Variants in RGS7 observed in about 807,000 individuals in gnomAD.
RGS7 encodes the protein regulator of G-protein signaling 7.
In RGS7, 27 loss-of-function variants were observed where a neutral mutation model predicts 81.1. The observed-to-expected ratio is 0.33, with a 90% CI of 0.25 to 0.46. The LOEUF (loss-of-function observed/expected upper bound fraction) is 0.46, where lower values mean the gene tolerates loss of function less well. RGS7 is among the 20% of genes least tolerant of loss of function. The pLI is 1.00. For missense variants in RGS7, 396 were observed against 607.4 expected (o/e 0.65, Z 3.66); for synonymous variants, 208 against 207.7 (o/e 1.00, Z -0.01).
intron 4 of RGS7, among the ~76,000 whole-genome samples, chr1:240,975,107 A>C (rs1683864155): frequency 6.6e-6 from 1 of 152,180 alleles, no homozygotes; most frequent in Admixed American, 6.5e-5. Context: ...TGCCACTCAA[A>C]GAACACAGAA....
At chr1:240,809,210 AT>A (rs1689415509) in intron 14 of RGS7, among the ~76,000 whole-genome samples, 1 of 152,212 alleles carries the variant, frequency 6.6e-6, no homozygotes, top group Admixed American at 6.5e-5. Context: ...GAAATACATC[AT>A]AAAATTTCAA....
chr1:241,211,775 G>C (rs952575318), intron 2 of RGS7, among the ~76,000 whole-genome samples: 2 of 152,142 alleles, frequency 1.3e-5, no homozygotes, highest in Non-Finnish European at 2.9e-5. Flanking sequence ...AAAGGAAACT[G>C]GACAAAGAGT....
intron 3 of RGS7, among the ~76,000 whole-genome samples, chr1:241,033,510 T>C (rs1382095349): frequency 6.6e-6 from 1 of 152,230 alleles, no homozygotes; most frequent in African/African-American, 2.4e-5. Context: ...TGAGTTTTTA[T>C]ATTTTATATA....
chr1:240,998,631 G>A (rs1250272047), intron 3 of RGS7: 1 of 948,914 alleles, frequency 1.1e-6, no homozygotes, highest in African/African-American at 1.6e-5. Flanking sequence ...GGCTCCCCAT[G>A]TTGACTTTGG....
At chr1:240,993,337 A>G (rs1167133389) in intron 3 of RGS7, among the ~76,000 whole-genome samples, 1 of 152,204 alleles carries the variant, frequency 6.6e-6, no homozygotes, top group African/African-American at 2.4e-5. Context: ...GCCATTTTAC[A>G]TTCCTACCAG....
chr1:241,280,576 C>A (rs2078445158), intron 2 of RGS7, among the ~76,000 whole-genome samples: 1 of 152,246 alleles, frequency 6.6e-6, no homozygotes, highest in South Asian at 2.1e-4. Flanking sequence ...CAGCTCACTG[C>A]AGCCTGGACC....
chr1:240,932,462 T>G (rs185926316), intron 5 of RGS7, among the ~76,000 whole-genome samples: 1 of 150,982 alleles, frequency 6.6e-6, no homozygotes, highest in Non-Finnish European at 1.5e-5. Context: ...GATTCTAGGA[T>G]AGCCCTAGGG....
intron 2 of RGS7, among the ~76,000 whole-genome samples, chr1:241,279,057 G>A (rs929119183): frequency 2.0e-5 from 3 of 151,936 alleles, no homozygotes; most frequent in South Asian, 2.1e-4. Context: ...TGGTTCCTTC[G>A]CCATTGAAGA....
chr1:241,297,581 T>C (rs986450432), intron 2 of RGS7, among the ~76,000 whole-genome samples: 5 of 152,274 alleles, frequency 3.3e-5, no homozygotes, highest in Middle Eastern at 6.8e-3. Flanking sequence ...CACCAGCGGA[T>C]CGGCATCAGG....
At chr1:241,295,445 T>G (rs1266352475) in intron 2 of RGS7, among the ~76,000 whole-genome samples, 2 of 147,808 alleles carry the variant, frequency 1.4e-5, no homozygotes, top group African/African-American at 2.5e-5. Flanking sequence ...AGAGCAAGAC[T>G]CTGTCTCAAA....
At chr1:241,290,399 A>G (rs2079027676) in intron 2 of RGS7, among the ~76,000 whole-genome samples, 1 of 152,250 alleles carries the variant, frequency 6.6e-6, no homozygotes, top group African/African-American at 2.4e-5. Flanking sequence ...ACCAAAATAC[A>G]GCAATGACTT....
At chr1:241,027,182 G>A (rs1192757782) in intron 3 of RGS7, among the ~76,000 whole-genome samples, 2 of 151,670 alleles carry the variant, frequency 1.3e-5, no homozygotes, top group East Asian at 3.9e-4. Context: ...CAGCCTGGGT[G>A]GCAGAATGAG....
intron 3 of RGS7, among the ~76,000 whole-genome samples, chr1:240,984,160 G>C (rs1685320862): frequency 6.6e-6 from 1 of 152,176 alleles, no homozygotes; most frequent in Admixed American, 6.5e-5. Flanking sequence ...TTGAATTCTA[G>C]GCTAAAGAAT....
intron 2 of RGS7, among the ~76,000 whole-genome samples, chr1:241,155,131 A>G (rs1230259240): frequency 6.6e-6 from 1 of 152,090 alleles, no homozygotes; most frequent in African/African-American, 2.4e-5. Flanking sequence ...TTTATTTGTT[A>G]TTTTTTCAGT....
chr1:240,862,856 A>G lies in RGS7; in HGVS notation c.609+5731T>C, dbSNP rs116612430. Among the ~76,000 whole-genome samples, 500 of 152,228 alleles carry G rather than the reference A, an allele frequency of 3.3e-3. 4 individuals carry two copies. The highest frequency in any genetic ancestry group is 0.012 in the African/African-American group (483 of 41,558). ...TAGTTTTTCAATTAACCTTCTGAAA[A>G]ACCATAACAAAAATAAGACCCTACT... On this transcript the variant is annotated intron_variant, in intron 9 of 18. Transcript: ENST00000440928.
intron 9 of RGS7, among the ~76,000 whole-genome samples, chr1:240,832,550 G>A (rs986450204): frequency 1.3e-5 from 2 of 152,168 alleles, no homozygotes; most frequent in African/African-American, 2.4e-5. Context: ...TTTCATTATT[G>A]ATATTTTAAG....
At chr1:240,830,387 T>C (rs1249525568) in intron 9 of RGS7, among the ~76,000 whole-genome samples, 1 of 152,208 alleles carries the variant, frequency 6.6e-6, no homozygotes, top group Non-Finnish European at 1.5e-5. Context: ...TGTTGCAACA[T>C]GCAAACCTGT....
At chr1:241,092,701 C>A (rs2063964655) in intron 3 of RGS7, among the ~76,000 whole-genome samples, 1 of 152,160 alleles carries the variant, frequency 6.6e-6, no homozygotes, top group African/African-American at 2.4e-5. Flanking sequence ...TATATCCCCA[C>A]TTGTATGGGG....
In RGS7 at chr1:240,951,653, A is replaced by G. The variant is rs1419160768; in HGVS notation, c.227-14947T>C. ...ACAACAATAACAAAAGCATCCAAAA[A>G]CTGTGGGACAATATCTAAAAGTGTA... On this transcript the variant is annotated intron_variant, in intron 4 of 18. Transcript: ENST00000440928. Among the ~76,000 whole-genome samples the G allele has an allele frequency of 2.6e-5, 4 of 152,146 alleles. No individual in the cohort carries two copies. The East Asian group carries it at 7.7e-4, about 29-fold the overall frequency.
Sources: gnomAD v4.1 joint callset for allele counts (sites outside exome capture counted in the v4.1 genomes callset) on GRCh38, gnomAD v4.1.1 for gene constraint, MANE v1.5 for transcripts, NCBI Gene and HGNC (gene_info 2026-07-23, HGNC 2026-07-21) for gene names.